GPATCH2: variants seen among roughly 807,000 people sequenced by gnomAD.
GPATCH2 encodes the protein G patch domain-containing protein 2.
A neutral mutation model predicts 58.0 loss-of-function variants in GPATCH2; 51 were observed. The observed-to-expected ratio is 0.88, with a 90% CI of 0.70 to 1.11. GPATCH2 has a LOEUF of 1.11. Among genes scored for constraint, GPATCH2 ranks in the 50% most tolerant of loss-of-function variants. The pLI is 0.00. For missense variants in GPATCH2, 625 were observed against 652.2 expected (o/e 0.96, Z 0.45); for synonymous variants, 222 against 218.5 (o/e 1.02, Z -0.14).
chr1:217,535,451 G>A (rs973664468), intron 5 of GPATCH2, among the ~76,000 whole-genome samples: 2 of 152,098 alleles, frequency 1.3e-5, no homozygotes, highest in African/African-American at 2.4e-5. Context: ...TCGGGTTCAC[G>A]CCATTCTCCT....
At chr1:217,502,032 C>CG (rs978406279) in intron 6 of GPATCH2, among the ~76,000 whole-genome samples, 10 of 151,578 alleles carry the variant, frequency 6.6e-5, no homozygotes, top group Admixed American at 6.6e-5. Flanking sequence ...TGTGTGTGTG[C>CG]GGGGGGAGCT....
intron 3 of GPATCH2, 103 bp downstream of exon 3, chr1:217,614,038 G>C (rs1452717953): frequency 4.1e-6 from 3 of 734,036 alleles, no homozygotes; most frequent in Non-Finnish European, 5.0e-6. Context: ...ATATGTGTAA[G>C]GTAAATGGAT....
chr1:217,540,055 T>G (rs1023150485), intron 5 of GPATCH2, among the ~76,000 whole-genome samples: 2 of 152,348 alleles, frequency 1.3e-5, no homozygotes, highest in East Asian at 3.9e-4. Flanking sequence ...ATCTCAGAAC[T>G]GCATTTCTTT....
At chr1:217,546,868 C>T (rs1462822137) in intron 5 of GPATCH2, among the ~76,000 whole-genome samples, 1 of 152,132 alleles carries the variant, frequency 6.6e-6, no homozygotes, top group Non-Finnish European at 1.5e-5. Context: ...CACCCAGCAT[C>T]TGTAAGGAAC....
chr1:217,575,437 AC>A (rs1666762253), intron 5 of GPATCH2, among the ~76,000 whole-genome samples: 1 of 152,156 alleles, frequency 6.6e-6, no homozygotes, highest in African/African-American at 2.4e-5. Flanking sequence ...AAAAGACAAA[AC>A]CAGGTAAGCA....
intron 5 of GPATCH2, among the ~76,000 whole-genome samples, chr1:217,560,104 A>G (rs370979556): frequency 4.6e-5 from 7 of 152,212 alleles, no homozygotes; most frequent in East Asian, 3.9e-4. Context: ...TGGCCTCCCA[A>G]AGTGTTGGGA....
intron 5 of GPATCH2, among the ~76,000 whole-genome samples, chr1:217,588,835 C>T (rs887824843): frequency 6.6e-6 from 1 of 152,152 alleles, no homozygotes; most frequent in African/African-American, 2.4e-5. Flanking sequence ...ATAACAATTT[C>T]ATGGAGAGAA....
chr1:217,482,586 A>C, intron 8 of GPATCH2, among the ~76,000 whole-genome samples: 1 of 152,072 alleles, frequency 6.6e-6, no homozygotes, highest in Non-Finnish European at 1.5e-5. Context: ...GGAGGAGATG[A>C]GGTCAGGGAG....
chr1:217,560,527 A>G (rs1231888186), intron 5 of GPATCH2, among the ~76,000 whole-genome samples: 1 of 152,242 alleles, frequency 6.6e-6, no homozygotes, highest in Non-Finnish European at 1.5e-5. Context: ...TCACCTATAT[A>G]TACTTTCTTG....
At chr1:217,626,583 A>G (rs1468541792) in intron 1 of GPATCH2, among the ~76,000 whole-genome samples, 2 of 152,174 alleles carry the variant, frequency 1.3e-5, no homozygotes, top group Non-Finnish European at 2.9e-5. Flanking sequence ...TTAACACCAT[A>G]CGATCCCTAA....
chr1:217,504,855 A>T (rs547633527), intron 6 of GPATCH2, among the ~76,000 whole-genome samples: 3 of 152,238 alleles, frequency 2.0e-5, no homozygotes, highest in Admixed American at 6.5e-5. Context: ...ATGGAAAATA[A>T]AAGTTGCTTA....
At chr1:217,457,119 G>T (rs373182656) in intron 8 of GPATCH2, among the ~76,000 whole-genome samples, 7 of 152,196 alleles carry the variant, frequency 4.6e-5, no homozygotes, top group Non-Finnish European at 7.3e-5. Flanking sequence ...GCAGCTGGAT[G>T]AATTTCTCAA....
At chr1:217,583,874 A>T (rs1667196164) in intron 5 of GPATCH2, among the ~76,000 whole-genome samples, 1 of 152,160 alleles carries the variant, frequency 6.6e-6, no homozygotes, top group African/African-American at 2.4e-5. Context: ...GTACAAGAGT[A>T]TCTTTAAAAT....
intron 5 of GPATCH2, among the ~76,000 whole-genome samples, chr1:217,585,143 T>C (rs1016940544): frequency 1.3e-5 from 2 of 152,152 alleles, no homozygotes; most frequent in Admixed American, 6.5e-5. Flanking sequence ...TTGGGTACTA[T>C]TTATAAGAAT....
intron 9 of GPATCH2, 73 bp from the exon 10 acceptor site, chr1:217,431,438 GTTCTCC>G: frequency 2.3e-6 from 2 of 867,992 alleles, no homozygotes; most frequent in Admixed American, 3.6e-5. Flanking sequence ...TGAAAACGAT[GTTCTCC>G]TAAGTTTTGT....
intron 5 of GPATCH2, among the ~76,000 whole-genome samples, chr1:217,573,706 T>C (rs1666672761): frequency 6.6e-6 from 1 of 152,182 alleles, no homozygotes; most frequent in Admixed American, 6.5e-5. Flanking sequence ...AGGAGTGTCA[T>C]TTTCTTATTA....
At chr1:217,442,307 C>G (rs1411799202) in intron 9 of GPATCH2, among the ~76,000 whole-genome samples, 1 of 152,052 alleles carries the variant, frequency 6.6e-6, no homozygotes, top group Non-Finnish European at 1.5e-5. Flanking sequence ...CACATGGACA[C>G]AGGGAGGGGA....
intron 5 of GPATCH2, among the ~76,000 whole-genome samples, chr1:217,534,279 C>T (rs1558465340): frequency 6.6e-6 from 1 of 152,056 alleles, no homozygotes; most frequent in Non-Finnish European, 1.5e-5. Flanking sequence ...TTGCTCTCTC[C>T]TATAAAATAC....
chr1:217,456,679 T>C (rs1318278736), intron 8 of GPATCH2, among the ~76,000 whole-genome samples: 5 of 152,352 alleles, frequency 3.3e-5, no homozygotes, highest in African/African-American at 2.4e-5. Flanking sequence ...GAATTTTATC[T>C]GATTCTGAAT....
Sources: allele counts gnomAD v4.1 joint callset (sites outside exome capture counted in the v4.1 genomes callset), GRCh38; gene constraint gnomAD v4.1.1; transcripts MANE v1.5; gene names NCBI Gene and HGNC (gene_info 2026-07-23, HGNC 2026-07-21).